Variants in HFM1 observed in about 807,000 individuals in gnomAD.
HFM1 encodes the protein probable ATP-dependent DNA helicase HFM1.
Under a neutral mutation model 192.1 loss-of-function variants are expected in HFM1, and 169 were observed. The observed-to-expected ratio is 0.88, with a 90% CI of 0.78 to 1.00. HFM1 has a LOEUF of 1.00. Ranked by LOEUF, HFM1 falls within the 50% of genes least tolerant of loss-of-function variation. The pLI is 0.00. For missense variants in HFM1, 1,661 were observed against 1,668.0 expected, an observed-to-expected ratio of 1.00 and a Z score of 0.07; for synonymous variants, 525 against 537.8, an observed-to-expected ratio of 0.98 and a Z score of 0.33.
At chr1:91,401,894 C>G (rs1664345495) in intron 1 of HFM1, among the ~76,000 whole-genome samples, 1 of 149,966 alleles carries the variant, frequency 6.7e-6, no homozygotes. Context: ...AAATCTGGGG[C>G]TGAACAAAGA....
At chr1:91,323,996 A>G (rs1652517644) in intron 21 of HFM1, among the ~76,000 whole-genome samples, 1 of 152,210 alleles carries the variant, frequency 6.6e-6, no homozygotes, top group African/African-American at 2.4e-5. Flanking sequence ...ATTTGAGAGT[A>G]AATATTTTCT....
intron 32 of HFM1, among the ~76,000 whole-genome samples, chr1:91,275,353 CATTT>C (rs1299554655): frequency 6.6e-6 from 1 of 152,150 alleles, no homozygotes; most frequent in African/African-American, 2.4e-5. Context: ...TCAAAGATCT[CATTT>C]ATTCCTGTGG....
In HFM1 at chr1:91,372,130, A is replaced by G. The variant is rs1049115364; in HGVS notation, c.1685+3228T>C. ...TGTGGAGAAATAGGAACACTTTTACACTGTTGGTGGGACTGTAAACTAGTT... is the reference window on the plus strand; with the variant it reads ...TGTGGAGAAATAGGAACACTTTTACGCTGTTGGTGGGACTGTAAACTAGTT... On this transcript the variant is annotated intron_variant, in intron 13 of 38. Transcript: ENST00000370425. 2.7e-4 allele frequency among the ~76,000 whole-genome samples: 41 copies of G among 152,208 alleles called. 1 individual carries two copies. The highest frequency in any genetic ancestry group is 8.2e-4 in the African/African-American group (34 of 41,450).
chr1:91,350,877 GA>G lies in HFM1; in HGVS notation c.2073-7del, dbSNP rs1017914903. 1.3e-6 allele frequency: 2 copies of G among 1,550,964 alleles called. No homozygotes were observed. Among genetic ancestry groups the G allele is most frequent in the Non-Finnish European group, 1.8e-6 (2 of 1,142,204 alleles). ...CAATAAGATGTCTGTGCAAACTAAT[GA>G]AAAAAAACTTTGCATTATGAATATG... is the stretch of plus-strand genomic sequence containing the variant. On this transcript the variant is annotated splice_polypyrimidine_tract_variant and splice_region_variant and intron_variant, in intron 17 of 38. Transcript: ENST00000370425.
intron 30 of HFM1, among the ~76,000 whole-genome samples, chr1:91,301,189 T>A (rs1012503621): frequency 2.6e-5 from 4 of 151,592 alleles, no homozygotes; most frequent in Non-Finnish European, 4.4e-5. Flanking sequence ...CACAATTGCT[T>A]CAAAGAGAAT....
At chr1:91,324,218 TTGTTCTCAC>T (rs1652549467) in intron 21 of HFM1, among the ~76,000 whole-genome samples, 1 of 152,212 alleles carries the variant, frequency 6.6e-6, no homozygotes, top group Admixed American at 6.5e-5. Flanking sequence ...TCTATTTCCA[TTGTTCTCAC>T]TGTTCTCACC....
chr1:91,385,210 G>T lies in HFM1; in HGVS notation c.779C>A (p.Ser260Tyr). 6.4e-7 allele frequency: 1 copy of T among 1,562,152 alleles called. No homozygotes were observed. Among genetic ancestry groups the T allele is most frequent in the South Asian group, 1.2e-5 (1 of 86,090 alleles). Residue 260 changes from serine (S) to tyrosine (Y), a missense_variant, in exon 6 of 39, where the codon TCC becomes TAC. Ser to Tyr is a moderately radical substitution (Grantham distance 144). Coordinates refer to ENST00000370425, the MANE Select transcript of HFM1 (RefSeq NM_001017975.6). Reference protein sequence around the residue: ...IQEVTENGLGSLKAVTEIPAK... With the variant: ...IQEVTENGLGYLKAVTEIPAK... ...ACGAATTTCTGTGACAGCCTTCAAG[G>T]AACCTAAACCATTTTCTGTTACCTC...
rs1048566371 is a variant in HFM1, at chr1:91,404,549, C to T, written c.-28+249G>A. The T allele has an allele frequency of 8.5e-5, 20 of 235,072 alleles. 1 individual carries two copies. The East Asian group carries it at 9.1e-4, about 11-fold the overall frequency. The allele number at this position is 235,072 out of a possible 1,614,324, so 14.6% of individuals were successfully genotyped here. A position where few individuals can be genotyped will look rare whatever the true frequency, so the allele number is the denominator to read the frequency against. On this transcript the variant is annotated intron_variant, in intron 1 of 38. Coordinates refer to ENST00000370425, the MANE Select transcript of HFM1 (RefSeq NM_001017975.6). ...GTCCCACCTCGCGGGGAGCTGGGCCCGCCCTGCGCCCGAGCGCGCCGCAGG... is the reference window on the plus strand; with the variant it reads ...GTCCCACCTCGCGGGGAGCTGGGCCTGCCCTGCGCCCGAGCGCGCCGCAGG...
At chr1:91,270,496 A>T (rs1666179745) in intron 34 of HFM1, among the ~76,000 whole-genome samples, 1 of 152,000 alleles carries the variant, frequency 6.6e-6, no homozygotes, top group African/African-American at 2.4e-5. Context: ...AGCTTTAGAA[A>T]TTATCAAAAC....
intron 30 of HFM1, among the ~76,000 whole-genome samples, chr1:91,296,984 A>G (rs935407555): frequency 2.0e-5 from 3 of 152,222 alleles, no homozygotes; most frequent in Admixed American, 6.5e-5. Flanking sequence ...GAGCCAAAGC[A>G]GGGCGAGGCA....
intron 23 of HFM1, among the ~76,000 whole-genome samples, chr1:91,320,513 C>T (rs975313950): frequency 6.6e-6 from 1 of 152,032 alleles, no homozygotes; most frequent in African/African-American, 2.4e-5. Context: ...TAGAGATGCA[C>T]AAATGTGGAG....
intron 20 of HFM1, chr1:91,328,980 A>C: frequency 6.2e-7 from 1 of 1,612,718 alleles, no homozygotes. Context: ...AGTGAAGCCA[A>C]AAAGCTGCCA....
chr1:91,287,713 C>T (rs1475799943), intron 30 of HFM1, among the ~76,000 whole-genome samples: 4 of 151,688 alleles, frequency 2.6e-5, no homozygotes, highest in African/African-American at 9.7e-5. Context: ...TCAAATTACT[C>T]CGAGCTACGG....
In HFM1 at chr1:91,351,603, C is replaced by A. The variant is rs1277569171; in HGVS notation, c.2018G>T (p.Ser673Ile). The change falls in exon 17 of 39, where the codon AGC (serine) becomes ATC (isoleucine). Residue 673 changes from serine to isoleucine, a missense_variant. Ser to Ile is a moderately radical substitution (Grantham distance 142). Transcript: ENST00000370425. ...TATAVIMTRL[S>I]TRDKYIQMLA... ...CATCTGAATGTACTTGTCCCTTGTG[C>A]TTAATCGAGTCATGATAACTGCAGT... The A allele has an allele frequency of 6.2e-7, 1 of 1,603,114 alleles. No homozygotes were observed. Among genetic ancestry groups the A allele is most frequent in the Non-Finnish European group, 8.5e-7 (1 of 1,174,018 alleles).
rs182759900 is a variant in HFM1, at chr1:91,273,922, A to G, written c.3669-107T>C. 2,139 of 650,762 alleles carry G rather than the reference A, an allele frequency of 3.3e-3. 3 individuals carry two copies. The highest frequency in any genetic ancestry group is 4.4e-3 in the Non-Finnish European group (1,708 of 388,346). The allele number at this position is 650,762 out of a possible 1,614,324, so 40.3% of individuals were successfully genotyped here. A position where few individuals can be genotyped will look rare whatever the true frequency, so the allele number is the denominator to read the frequency against. ...AAAAATAATGATTTATCCATTTAAC[A>G]CTTCTATGATACACTGGACCCAGGC... On this transcript the variant is annotated intron_variant, in intron 33 of 38. Coordinates refer to ENST00000370425, the MANE Select transcript of HFM1 (RefSeq NM_001017975.6).
Position 91,400,901 on chromosome 1 carries a change from T to C in HFM1, c.71+111A>G, listed in dbSNP as rs909133448. On this transcript the variant is annotated intron_variant, in intron 2 of 38. Transcript: ENST00000370425. ...AATATGTAACTGAAATATCGTTCTG[T>C]TGATTCCTCATTTTTATTTGTATAT... is the stretch of plus-strand genomic sequence containing the variant. 4 of 545,272 alleles carry C rather than the reference T, an allele frequency of 7.3e-6. No individual in the cohort carries two copies. In the African/African-American group the frequency reaches 8.0e-5, roughly 11 times the overall value. The allele number at this position is 545,272 out of a possible 1,614,324, so 33.8% of individuals were successfully genotyped here.
intron 20 of HFM1, among the ~76,000 whole-genome samples, chr1:91,326,665 T>C (rs932043996): frequency 6.6e-6 from 1 of 152,046 alleles, no homozygotes; most frequent in African/African-American, 2.4e-5. Context: ...AAGAAGAAAA[T>C]CATTTGAAAG....
intron 11 of HFM1, among the ~76,000 whole-genome samples, chr1:91,376,472 A>G (rs1208377464): frequency 6.6e-6 from 1 of 152,034 alleles, no homozygotes; most frequent in Admixed American, 6.6e-5. Context: ...AGATCTGACA[A>G]AAGAGACAGA....
At chr1:91,357,539 A>G (rs1207552187) in intron 13 of HFM1, among the ~76,000 whole-genome samples, 1 of 152,220 alleles carries the variant, frequency 6.6e-6, no homozygotes, top group East Asian at 1.9e-4. Flanking sequence ...CCACCAAGAT[A>G]CAGTACAAGG....
Sources: allele counts gnomAD v4.1 joint callset (sites outside exome capture counted in the v4.1 genomes callset), GRCh38; gene constraint gnomAD v4.1.1; transcripts MANE v1.5; gene names NCBI Gene and HGNC (gene_info 2026-07-23, HGNC 2026-07-21).